Variants in CNKSR2 observed in about 807,000 individuals in gnomAD.
CNKSR2 encodes the protein CNK homolog protein 2.
In CNKSR2, 14 loss-of-function variants were observed where a neutral mutation model predicts 84.4. That is an observed-to-expected ratio of 0.17 (90% CI 0.11 to 0.26). CNKSR2 has a LOEUF of 0.26. Among genes scored for constraint, CNKSR2 ranks in the 10% least tolerant of loss-of-function variants. The pLI, the probability that CNKSR2 is intolerant of heterozygous loss-of-function variation, is 1.00. For synonymous variants in CNKSR2, 275 were observed against 277.9 expected (o/e 0.99, Z 0.10); for missense variants, 485 against 771.2 (o/e 0.63, Z 4.40).
At chrX:21,553,033 T>C (rs781663460) in intron 11 of CNKSR2, among the ~76,000 whole-genome samples, 27 of 112,057 alleles carry the variant, frequency 2.4e-4, no homozygotes, top group Admixed American at 5.7e-4. Flanking sequence ...TTTGCCATCA[T>C]TGTTAAGGTA....
intron 18 of CNKSR2, among the ~76,000 whole-genome samples, chrX:21,601,571 C>T (rs973718751): frequency 9.0e-6 from 1 of 111,437 alleles, no homozygotes; most frequent in Non-Finnish European, 1.9e-5. Flanking sequence ...TTACCCCCTC[C>T]TCCCATCTCT....
At chrX:21,391,406 T>C (rs2090049165) in intron 1 of CNKSR2, among the ~76,000 whole-genome samples, 1 of 112,391 alleles carries the variant, frequency 8.9e-6, no homozygotes, top group African/African-American at 3.2e-5. Flanking sequence ...AAGCCTCAAC[T>C]CTTACCCTCT....
chrX:21,518,926 C>A (rs1018333300), intron 9 of CNKSR2, among the ~76,000 whole-genome samples: 2 of 111,806 alleles, frequency 1.8e-5, no homozygotes, highest in Non-Finnish European at 3.8e-5. Flanking sequence ...CAACTAAAAG[C>A]TATTGGCCAA....
At chrX:21,640,443 A>G (rs979042991) in intron 20 of CNKSR2, among the ~76,000 whole-genome samples, 1 of 111,470 alleles carries the variant, frequency 9.0e-6, no homozygotes, top group Non-Finnish European at 1.9e-5. Context: ...TTTGACCTGT[A>G]TATGAAGATT....
chrX:21,374,968 C>G lies in CNKSR2; in HGVS notation c.64+7C>G, dbSNP rs1410512482. The G allele has an allele frequency of 1.7e-6, 2 of 1,198,970 alleles. No homozygotes were observed. The highest frequency in any genetic ancestry group is 2.3e-6 in the Non-Finnish European group (2 of 883,613). Reference sequence around the variant, plus strand: ...GTAGTGGACTGGATGAAAGGTAATGCCCGCTGCGGGGAGGGTGAGGCGGCA... The same window carrying G: ...GTAGTGGACTGGATGAAAGGTAATGGCCGCTGCGGGGAGGGTGAGGCGGCA... On this transcript the variant is annotated splice_region_variant and intron_variant, in intron 1 of 21. Transcript: ENST00000379510.
chrX:21,495,964 T>C (rs1281271616), intron 6 of CNKSR2, among the ~76,000 whole-genome samples: 1 of 109,439 alleles, frequency 9.1e-6, no homozygotes, highest in Non-Finnish European at 1.9e-5. Context: ...ACCTAGATAG[T>C]ACAGCCTACT....
chrX:21,445,105 G>T (rs1174459709), intron 4 of CNKSR2, among the ~76,000 whole-genome samples: 1 of 111,129 alleles, frequency 9.0e-6, no homozygotes, highest in Non-Finnish European at 1.9e-5. Flanking sequence ...CTTTTACTAT[G>T]TACTCAGAGT....
intron 10 of CNKSR2, among the ~76,000 whole-genome samples, chrX:21,530,967 T>TA (rs2091881021): frequency 9.1e-6 from 1 of 110,418 alleles, no homozygotes; most frequent in African/African-American, 3.3e-5. Flanking sequence ...GCCATCACCC[T>TA]AAATGCCATT....
intron 20 of CNKSR2, among the ~76,000 whole-genome samples, chrX:21,635,715 A>G (rs2092669591): frequency 9.1e-6 from 1 of 110,121 alleles, no homozygotes; most frequent in Admixed American, 9.9e-5. Flanking sequence ...AAGTTAGCTG[A>G]TCAGCATCAT....
chrX:21,472,261 ACTGTT>A (rs773528644), intron 5 of CNKSR2, among the ~76,000 whole-genome samples: 31 of 112,018 alleles, frequency 2.8e-4, no homozygotes, highest in Admixed American at 4.8e-4. Flanking sequence ...TATGACAATG[ACTGTT>A]CTTTCTGAAG....
chrX:21,566,586 T>G (rs1396603204), intron 13 of CNKSR2, among the ~76,000 whole-genome samples: 1 of 111,954 alleles, frequency 8.9e-6, no homozygotes, highest in Non-Finnish European at 1.9e-5. Flanking sequence ...GATTGAGTAT[T>G]GCATTTCATA....
At chrX:21,419,322 T>G (rs867652879) in intron 1 of CNKSR2, among the ~76,000 whole-genome samples, 6 of 111,377 alleles carry the variant, frequency 5.4e-5, no homozygotes, top group Middle Eastern at 4.6e-3. Flanking sequence ...GAAATTTCTT[T>G]AAGTTTCCTC....
chrX:21,486,493 T>C (rs1022222024), intron 5 of CNKSR2, among the ~76,000 whole-genome samples: 7 of 112,137 alleles, frequency 6.2e-5, no homozygotes, highest in Non-Finnish European at 5.6e-5. Context: ...GATTAGGAAT[T>C]CAAGTCCTTC....
chrX:21,631,647 C>T (rs753962579), intron 20 of CNKSR2, among the ~76,000 whole-genome samples: 1 of 111,681 alleles, frequency 9.0e-6, no homozygotes, highest in East Asian at 2.8e-4. Context: ...TCTTACAAAT[C>T]GGAAGAGTAA....
chrX:21,531,922 G>A lies in CNKSR2; in HGVS notation c.1158G>A (p.Lys386=). The A allele has an allele frequency of 8.3e-7, 1 of 1,206,988 alleles. No individual in the cohort carries two copies. The highest frequency in any genetic ancestry group is 2.3e-4 in the Middle Eastern group (1 of 4,340). Residue 386 remains lysine, a synonymous_variant, in exon 11 of 22, where the codon AAG becomes AAA. Coordinates refer to ENST00000379510, the MANE Select transcript of CNKSR2 (RefSeq NM_014927.5). ...RGHMVGKPVH[K]GSESPNSFLD... is the part of the protein sequence containing the mutation. ...ATATGGTGGGCAAGCCAGTGCATAA[G>A]GGATCTGAATCACCAAATTCATTTC... is the stretch of plus-strand genomic sequence containing the variant.
rs1002978405 is a variant in CNKSR2, at chrX:21,415,187, A to G, written c.65-11310A>G. On this transcript the variant is annotated intron_variant, in intron 1 of 21. Coordinates refer to ENST00000379510, the MANE Select transcript of CNKSR2 (RefSeq NM_014927.5). ...ATATTCATTCTTCCAATCCATGAAC[A>G]TGAAATATCTTTCCATTTTTTGGTG... Among the ~76,000 whole-genome samples the G allele has an allele frequency of 5.4e-5, 6 of 111,903 alleles. No individual in the cohort carries two copies. In the Admixed American group the frequency reaches 5.7e-4, roughly 11 times the overall value.
intron 13 of CNKSR2, among the ~76,000 whole-genome samples, chrX:21,588,290 G>A (rs916197712): frequency 8.9e-6 from 1 of 112,003 alleles, no homozygotes; most frequent in Non-Finnish European, 1.9e-5. Flanking sequence ...TGCCAACCGA[G>A]GGCAAATACT....
intron 20 of CNKSR2, among the ~76,000 whole-genome samples, chrX:21,612,518 C>T (rs765260496): frequency 8.9e-6 from 1 of 112,219 alleles, no homozygotes; most frequent in African/African-American, 3.2e-5. Context: ...TAGTTCCAAA[C>T]GTTTTTCTCA....
intron 4 of CNKSR2, chrX:21,440,996 T>TAC (rs374277924): frequency 2.3e-4 from 61 of 259,744 alleles, no homozygotes; most frequent in African/African-American, 1.5e-3. Flanking sequence ...ACCTGACCTG[T>TAC]ACACACACAA....
Sources: gnomAD v4.1 joint callset for allele counts (sites outside exome capture counted in the v4.1 genomes callset) on GRCh38, gnomAD v4.1.1 for gene constraint, MANE v1.5 for transcripts, NCBI Gene and HGNC (gene_info 2026-07-23, HGNC 2026-07-21) for gene names.